TTPA: variants seen among roughly 807,000 people sequenced by gnomAD.
TTPA encodes alpha-tocopherol transfer protein.
Under a neutral mutation model 25.9 loss-of-function variants are expected in TTPA, and 23 were observed. The observed-to-expected ratio is 0.89, with a 90% CI of 0.64 to 1.26. The LOEUF (loss-of-function observed/expected upper bound fraction) is 1.26, where lower values mean the gene tolerates loss of function less well. Among genes scored for constraint, TTPA ranks in the 50% most tolerant of loss-of-function variants. The probability of loss-of-function intolerance (pLI) is 0.00; values close to 1 mark genes in which losing one functional copy is unlikely to be tolerated. For synonymous variants in TTPA, 148 were observed against 137.3 expected (o/e 1.08, Z -0.54); for missense variants, 337 against 353.1 (o/e 0.95, Z 0.37).
chr8:63,064,362 A>G, intron 3 of TTPA, 46 bp from the exon 4 acceptor site: 2 of 1,283,848 alleles, frequency 1.6e-6, no homozygotes, highest in Non-Finnish European at 2.2e-6. Context: ...AAATATTACA[A>G]TCTGATACCT....
chr8:63,063,966 C>G (rs1805347404), intron 4 of TTPA, among the ~76,000 whole-genome samples: 1 of 152,186 alleles, frequency 6.6e-6, no homozygotes, highest in Admixed American at 6.5e-5. Context: ...GCATTCCAAC[C>G]AGCAGTGTAT....
chr8:63,082,521 C>T (rs1435164746), intron 1 of TTPA, among the ~76,000 whole-genome samples: 2 of 152,188 alleles, frequency 1.3e-5, no homozygotes, highest in Non-Finnish European at 2.9e-5. Context: ...AAATGTTAGA[C>T]CTAAAACCAT....
At chr8:63,074,388 T>C (rs980381429) in intron 1 of TTPA, among the ~76,000 whole-genome samples, 1 of 152,226 alleles carries the variant, frequency 6.6e-6, no homozygotes, top group Non-Finnish European at 1.5e-5. Flanking sequence ...TCTCCCTCTC[T>C]TTCTCTCTCT....
rs1413141082 is a variant in TTPA at position 63,060,877 on chromosome 8, A to G, written c.*375T>C. The G allele has an allele frequency of 5.4e-6, 1 of 184,196 alleles. No homozygotes were observed. Among genetic ancestry groups the G allele is most frequent in the East Asian group, 1.4e-4 (1 of 7,276 alleles). 11.4% of individuals were successfully genotyped at this position (184,196 alleles called of 1,614,324 possible). On this transcript the variant is annotated 3_prime_UTR_variant, in exon 5 of 5. Coordinates refer to ENST00000260116, the MANE Select transcript of TTPA (RefSeq NM_000370.3). Reference sequence around the variant, plus strand: ...ACTTGTGCTAGTATTTTTAAGCGGAATATTTCTAAATTTTTTTCTAAACCA... The same window carrying G: ...ACTTGTGCTAGTATTTTTAAGCGGAGTATTTCTAAATTTTTTTCTAAACCA...
intron 1 of TTPA, among the ~76,000 whole-genome samples, chr8:63,075,442 A>T (rs1805546694): frequency 6.6e-6 from 1 of 152,132 alleles, no homozygotes; most frequent in Non-Finnish European, 1.5e-5. Flanking sequence ...AGCTCCAGCC[A>T]GGCACAGTGG....
intron 3 of TTPA, among the ~76,000 whole-genome samples, chr8:63,065,440 T>C (rs1324416013): frequency 6.6e-6 from 1 of 152,228 alleles, no homozygotes; most frequent in Non-Finnish European, 1.5e-5. Context: ...ATACGCAATC[T>C]TTAATATATT....
At chr8:63,081,426 T>C (rs1805662156) in intron 1 of TTPA, among the ~76,000 whole-genome samples, 1 of 152,102 alleles carries the variant, frequency 6.6e-6, no homozygotes, top group South Asian at 2.1e-4. Context: ...AAAAGGCCTT[T>C]GACAAAATTC....
intron 1 of TTPA, 50 bp downstream of exon 1, chr8:63,085,756 TGGGGCGGGGGAC>T (rs1805739225): frequency 7.5e-6 from 11 of 1,463,660 alleles, no homozygotes; most frequent in Non-Finnish European, 9.9e-6. Context: ...TCCGGGGTCG[TGGGGCGGGGGAC>T]GGGGCGGGTG....
chr8:63,085,762 G>T (rs1805739496), intron 1 of TTPA, 56 bp downstream of exon 1: 3 of 1,516,226 alleles, frequency 2.0e-6, no homozygotes, highest in African/African-American at 1.4e-5. Context: ...GTCGTGGGGC[G>T]GGGGACGGGG....
intron 1 of TTPA, among the ~76,000 whole-genome samples, chr8:63,083,766 A>T (rs909619104): frequency 2.6e-5 from 4 of 152,172 alleles, no homozygotes; most frequent in Admixed American, 2.6e-4. Flanking sequence ...ACAATGAAAA[A>T]GTATATCTCT....
intron 3 of TTPA, among the ~76,000 whole-genome samples, chr8:63,064,713 CA>C (rs1277695530): frequency 6.6e-6 from 1 of 152,042 alleles, no homozygotes; most frequent in Non-Finnish European, 1.5e-5. Context: ...GCACAATAAA[CA>C]CACACTTTTA....
rs758641202 is a variant in TTPA at position 63,085,920 on chromosome 8, C to T, written c.102G>A (p.Arg34=). 3.9e-6 allele frequency: 6 copies of T among 1,523,700 alleles called. No individual in the cohort carries two copies. The African/African-American group carries it at 4.2e-5, about 11-fold the overall frequency. 94.4% of individuals were successfully genotyped at this position (1,523,700 alleles called of 1,614,324 possible). A position where few individuals can be genotyped will look rare whatever the true frequency, so the allele number is the denominator to read the frequency against. ...CGAGCGGGACGCCAGCTTCCCGGGC[C>T]CGGCGCCGCAGCGCCGCCAGGCCCG... ...LQPGLAALRR[R]AREAGVPLAP... The change falls in exon 1 of 5, where the codon CGG becomes CGA. Residue 34 remains arginine (R), a synonymous_variant. Coordinates refer to ENST00000260116, the MANE Select transcript of TTPA (RefSeq NM_000370.3).
chr8:63,082,593 A>G (rs1805681445), intron 1 of TTPA, among the ~76,000 whole-genome samples: 1 of 152,246 alleles, frequency 6.6e-6, no homozygotes, highest in African/African-American at 2.4e-5. Flanking sequence ...CAAGGACTTC[A>G]TGACTAAAAC....
At chr8:63,070,072 A>G (rs1216036483) in intron 2 of TTPA, among the ~76,000 whole-genome samples, 1 of 152,196 alleles carries the variant, frequency 6.6e-6, no homozygotes, top group Non-Finnish European at 1.5e-5. Flanking sequence ...AGATGAGAAA[A>G]TGCAGTTACA....
At chr8:63,074,198 A>G (rs763628355) in intron 1 of TTPA, among the ~76,000 whole-genome samples, 5 of 152,210 alleles carry the variant, frequency 3.3e-5, no homozygotes, top group Non-Finnish European at 7.3e-5. Context: ...TCTGGAGGAG[A>G]AACTACAAAC....
At chr8:63,074,173 C>CA (rs1281871127) in intron 1 of TTPA, among the ~76,000 whole-genome samples, 1 of 152,026 alleles carries the variant, frequency 6.6e-6, no homozygotes, top group East Asian at 1.9e-4. Context: ...ACTATAACCA[C>CA]AAAAATCACA....
At position 63,066,005 on chromosome 8, in the gene TTPA, G is replaced by T; in HGVS notation, c.451C>A (p.Arg151=). Residue 151 remains arginine (R), a synonymous_variant, in exon 3 of 5, where the codon CGG becomes AGG. Transcript: ENST00000260116. ...ELIVQEVETQ[R]NGIKAIFDLE... ...TCAAAGATAGCCTTGATTCCATTCC[G>T]CTGAGTTTCTACCTCCTGTACAATA... 1 of 1,613,898 alleles carries T rather than the reference G, an allele frequency of 6.2e-7. No individual in the cohort carries two copies. The highest frequency in any genetic ancestry group is 8.5e-7 in the Non-Finnish European group (1 of 1,179,946).
chr8:63,080,253 TAAAAG>T (rs1471858123), intron 1 of TTPA, among the ~76,000 whole-genome samples: 2 of 151,628 alleles, frequency 1.3e-5, no homozygotes, highest in Non-Finnish European at 2.9e-5. Context: ...ACACCACAAT[TAAAAG>T]AAATAGAGAA....
chr8:63,076,571 T>C (rs1170247658), intron 1 of TTPA, among the ~76,000 whole-genome samples: 1 of 152,188 alleles, frequency 6.6e-6, no homozygotes, highest in Non-Finnish European at 1.5e-5. Flanking sequence ...AAGGGCATGG[T>C]ACAATGAAAA....
Sources: gnomAD v4.1 joint callset for allele counts (sites outside exome capture counted in the v4.1 genomes callset) on GRCh38, gnomAD v4.1.1 for gene constraint, MANE v1.5 for transcripts, NCBI Gene and HGNC (gene_info 2026-07-23, HGNC 2026-07-21) for gene names.